TLN2: variants seen among roughly 807,000 people sequenced by gnomAD.
The protein encoded by TLN2 is talin-2.
TLN2 carries 118 observed loss-of-function variants against 294.7 expected under a neutral mutation model. The observed-to-expected ratio is 0.40, with a 90% CI of 0.34 to 0.47. TLN2 has a LOEUF of 0.47. Among genes scored for constraint, TLN2 ranks in the 20% least tolerant of loss-of-function variants. The probability of loss-of-function intolerance (pLI) is 0.84; values close to 1 mark genes in which losing one functional copy is unlikely to be tolerated. For synonymous variants in TLN2, 1,431 were observed against 1,304.5 expected (o/e 1.10, Z -2.09); for missense variants, 3,083 against 3,282.2 (o/e 0.94, Z 1.48).
intron 32 of TLN2, among the ~76,000 whole-genome samples, chr15:62,745,568 A>G (rs2061566262): frequency 6.6e-6 from 1 of 152,114 alleles, no homozygotes; most frequent in Admixed American, 6.5e-5. Flanking sequence ...GGGTAGGCCC[A>G]TTCTATTCTA....
At position 62,755,700 on chromosome 15, in the gene TLN2, C is replaced by T. The variant is rs370978895; in HGVS notation, c.4638+7C>T. The T allele has an allele frequency of 1.5e-4, 250 of 1,613,888 alleles. No homozygotes were observed. The highest frequency in any genetic ancestry group is 2.0e-4 in the Non-Finnish European group (236 of 1,179,956). On this transcript the variant is annotated splice_region_variant and intron_variant, in intron 37 of 58. Coordinates refer to ENST00000636159, the MANE Select transcript of TLN2 (RefSeq NM_015059.3). ...CCTGGTGAAGACCATCAAGGTAGGT[C>T]GCTGGACTACCGGCCTTATTGAACT...
At chr15:62,469,306 G>A (rs1416757585) in intron 1 of TLN2, among the ~76,000 whole-genome samples, 2 of 152,204 alleles carry the variant, frequency 1.3e-5, no homozygotes, top group African/African-American at 2.4e-5. Context: ...TGTCTACATT[G>A]TAGACCAGAT....
intron 45 of TLN2, among the ~76,000 whole-genome samples, chr15:62,787,144 C>T (rs551538306): frequency 1.3e-5 from 2 of 152,308 alleles, no homozygotes; most frequent in Admixed American, 6.5e-5. Context: ...CATCCACCTG[C>T]CTCAGCCTCC....
At position 62,469,212 on chromosome 15, in the gene TLN2, G is replaced by T. The variant is rs72753874; in HGVS notation, c.-238+78527G>T. ...TCCTTGTTTTATTGTGAGCATGTAA[G>T]CAGACTTCTCATCTAAGACAAGTGT... On this transcript the variant is annotated intron_variant, in intron 1 of 58. Coordinates refer to ENST00000636159, the MANE Select transcript of TLN2 (RefSeq NM_015059.3). Among the ~76,000 whole-genome samples the T allele has an allele frequency of 2.0e-3, 300 of 152,270 alleles. 1 individual carries two copies. Among genetic ancestry groups the T allele is most frequent in the Non-Finnish European group, 3.0e-3 (207 of 68,024 alleles).
intron 2 of TLN2, among the ~76,000 whole-genome samples, chr15:62,592,124 A>G (rs2046123594): frequency 6.6e-6 from 1 of 152,182 alleles, no homozygotes; most frequent in Non-Finnish European, 1.5e-5. Context: ...TGGGAGGAAG[A>G]CAGAGGGAAT....
At chr15:62,706,970 A>G (rs1189237956) in intron 19 of TLN2, 116 bp from the exon 20 acceptor site, 2 of 1,291,008 alleles carry the variant, frequency 1.5e-6, no homozygotes, top group Admixed American at 3.1e-5. Flanking sequence ...AAAGTAAAAA[A>G]ACTTCTAAAG....
At chr15:62,463,251 C>A (rs546063076) in intron 1 of TLN2, among the ~76,000 whole-genome samples, 1 of 152,300 alleles carries the variant, frequency 6.6e-6, no homozygotes, top group East Asian at 1.9e-4. Flanking sequence ...ACTTTCTGAC[C>A]GTCCGCCCAC....
chr15:62,763,841 A>G, intron 40 of TLN2, 146 bp downstream of exon 40: 1 of 1,289,758 alleles, frequency 7.8e-7, no homozygotes, highest in Non-Finnish European at 1.0e-6. Flanking sequence ...CTGTGGAGCC[A>G]ATCTGGGAAC....
chr15:62,472,019 A>G (rs1232710564), intron 1 of TLN2, among the ~76,000 whole-genome samples: 2 of 151,964 alleles, frequency 1.3e-5, no homozygotes, highest in African/African-American at 2.4e-5. Flanking sequence ...TAAAGTTCCA[A>G]TATCTTACCT....
chr15:62,798,702 T>G (rs562027803), intron 48 of TLN2, among the ~76,000 whole-genome samples: 1 of 152,358 alleles, frequency 6.6e-6, no homozygotes, highest in East Asian at 1.9e-4. Context: ...CCCCAGGGGA[T>G]GCAGTGACTG....
chr15:62,699,023 AC>A (rs776286348), intron 16 of TLN2, among the ~76,000 whole-genome samples, 156 bp downstream of exon 16: 2 of 152,126 alleles, frequency 1.3e-5, no homozygotes, highest in Non-Finnish European at 2.9e-5. Context: ...TCTCAGTTGC[AC>A]CCATAGGAGG....
chr15:62,818,098 C>G (rs555530097), intron 52 of TLN2, among the ~76,000 whole-genome samples: 1 of 152,210 alleles, frequency 6.6e-6, no homozygotes, highest in South Asian at 2.1e-4. Flanking sequence ...GCATGAGCCA[C>G]TGCGCCCAGC....
rs547430085 is a variant in TLN2, at chr15:62,478,604, G to A, written c.-238+87919G>A. Among the ~76,000 whole-genome samples, 14 of 152,264 alleles carry A rather than the reference G, an allele frequency of 9.2e-5. No homozygotes were observed. The East Asian group carries it at 2.7e-3, about 29-fold the overall frequency. The stretch of plus-strand genomic sequence containing the variant: ...CTCCAGGGGGACTCGATTGTTTCTG[G>A]TAGTCTGGAGAGCCAGTGCCAAGAC... On this transcript the variant is annotated intron_variant, in intron 1 of 58. Coordinates refer to ENST00000636159, the MANE Select transcript of TLN2 (RefSeq NM_015059.3).
At chr15:62,565,899 C>A (rs2043351551) in intron 1 of TLN2, among the ~76,000 whole-genome samples, 1 of 147,576 alleles carries the variant, frequency 6.8e-6, no homozygotes, top group South Asian at 2.2e-4. Context: ...GATGGCTCTA[C>A]TGTTTACTAG....
At chr15:62,694,283 T>C (rs2058165274) in intron 13 of TLN2, 33 bp from the exon 14 acceptor site, 1 of 1,612,380 alleles carries the variant, frequency 6.2e-7, no homozygotes, top group Admixed American at 1.7e-5. Flanking sequence ...GGCCTGGTTT[T>C]CATTTTTGCA....
At chr15:62,695,881 C>T (rs1051530951) in intron 14 of TLN2, among the ~76,000 whole-genome samples, 1 of 152,190 alleles carries the variant, frequency 6.6e-6, no homozygotes, top group Non-Finnish European at 1.5e-5. Flanking sequence ...CCCATAGGAG[C>T]GGCCCAGTAA....
chr15:62,583,670 G>C (rs2045338558), intron 1 of TLN2, among the ~76,000 whole-genome samples: 1 of 152,144 alleles, frequency 6.6e-6, no homozygotes, highest in Admixed American at 6.5e-5. Flanking sequence ...ATAAAATGAG[G>C]TAGTAGTAGT....
At chr15:62,641,657 C>A (rs2051124695) in intron 3 of TLN2, among the ~76,000 whole-genome samples, 1 of 53,886 alleles carries the variant, frequency 1.9e-5, no homozygotes, top group Non-Finnish European at 6.1e-5. Flanking sequence ...TAATAACAAG[C>A]CCTTACCTAA....
Position 62,703,617 on chromosome 15 carries a change from ACACACGCG to A in TLN2, c.2004+755_2004+762del, listed in dbSNP as rs2058858049. ...TGTTTACTTCGACACACACACACAC[ACACACGCG>A]CGCACACACACACACACACACACAC... On this transcript the variant is annotated intron_variant, in intron 19 of 58. Coordinates refer to ENST00000636159, the MANE Select transcript of TLN2 (RefSeq NM_015059.3). 7.6e-5 allele frequency among the ~76,000 whole-genome samples: 8 copies of A among 105,890 alleles called. 1 individual carries two copies. The South Asian group carries it at 1.5e-3, about 20-fold the overall frequency. The allele number at this position is 105,890 out of a possible 152,430, so 69.5% of individuals were successfully genotyped here.
Sources: allele counts gnomAD v4.1 joint callset (sites outside exome capture counted in the v4.1 genomes callset), GRCh38; gene constraint gnomAD v4.1.1; transcripts MANE v1.5; gene names NCBI Gene and HGNC (gene_info 2026-07-23, HGNC 2026-07-21).